RIBC2: variants seen among roughly 807,000 people sequenced by gnomAD.
RIBC2 encodes the protein RIB43A-like with coiled-coils protein 2.
RIBC2 carries 40 observed loss-of-function variants against 44.3 expected under a neutral mutation model. That is an observed-to-expected ratio of 0.90 (90% confidence interval 0.70 to 1.18). The LOEUF (loss-of-function observed/expected upper bound fraction) is 1.18, where lower values mean the gene tolerates loss of function less well. Ranked by LOEUF, RIBC2 falls within the 50% of genes most tolerant of loss-of-function variation. The pLI, the probability that RIBC2 is intolerant of heterozygous loss-of-function variation, is 0.00. For missense variants in RIBC2, 459 were observed against 485.5 expected (o/e 0.95, Z 0.51); for synonymous variants, 171 against 175.0 (o/e 0.98, Z 0.18).
chr22:45,431,108 G>A (rs772224736), intron 6 of RIBC2, 42 bp downstream of exon 6: 8 of 1,552,144 alleles, frequency 5.2e-6, no homozygotes, highest in Non-Finnish European at 7.0e-6. Flanking sequence ...GGGACCGGGT[G>A]GAGGGACCGC....
At chr22:45,427,213 A>G (rs969529186) in intron 5 of RIBC2, among the ~76,000 whole-genome samples, 1 of 152,190 alleles carries the variant, frequency 6.6e-6, no homozygotes, top group Non-Finnish European at 1.5e-5. Flanking sequence ...CCTCAGGAAA[A>G]CAGTCCAGGG....
intron 3 of RIBC2, among the ~76,000 whole-genome samples, chr22:45,421,349 ATAAT>A (rs1185474450): frequency 1.8e-4 from 26 of 147,106 alleles, no homozygotes; most frequent in South Asian, 1.1e-3. Context: ...TAATAATTAA[ATAAT>A]TAATTATTAT....
intron 4 of RIBC2, among the ~76,000 whole-genome samples, chr22:45,423,435 A>G (rs562113358): frequency 3.3e-5 from 5 of 152,220 alleles, no homozygotes; most frequent in Non-Finnish European, 7.3e-5. Context: ...AAGGCTGTGC[A>G]GGATCTGTGG....
rs905168283 is a variant in RIBC2, at chr22:45,432,273, T to C, written c.1071-11T>C. 6.7e-7 allele frequency: 1 copy of C among 1,491,156 alleles called. No individual in the cohort carries two copies. The highest frequency in any genetic ancestry group is 9.2e-7 in the Non-Finnish European group (1 of 1,086,118). The allele number at this position is 1,491,156 out of a possible 1,614,324, so 92.4% of individuals were successfully genotyped here. On this transcript the variant is annotated splice_polypyrimidine_tract_variant and intron_variant, in intron 6 of 6. Transcript: ENST00000614167. ...TTTGCTGACCTTTTTTTTTTCTCAT[T>C]TTGTTATCAGGAAAAAATATATGAA...
chr22:45,432,053 T>C (rs2087584869), intron 6 of RIBC2, among the ~76,000 whole-genome samples: 1 of 152,208 alleles, frequency 6.6e-6, no homozygotes, highest in Non-Finnish European at 1.5e-5. Context: ...TCCCCAAATG[T>C]TACTGGTGTA....
chr22:45,421,877 C>G (rs1178359014), intron 3 of RIBC2, among the ~76,000 whole-genome samples: 2 of 152,110 alleles, frequency 1.3e-5, no homozygotes, highest in Non-Finnish European at 2.9e-5. Flanking sequence ...CCACTTCCTC[C>G]ATAGAGTCCT....
chr22:45,432,330 T>A lies in RIBC2; in HGVS notation c.1117T>A (p.Tyr373Asn), dbSNP rs2087588507. Reference protein sequence around the residue: ...EVYTNQPTGDYFTQFNTGSR With the variant: ...EVYTNQPTGDNFTQFNTGSR ...CTATACAAATCAACCCACGGGAGAC[T>A]ATTTCACACAATTTAATACAGGAAG... Residue 373 changes from tyrosine to asparagine, a missense_variant, in exon 7 of 7, where the codon TAT becomes AAT. Tyr to Asn is a moderately radical substitution (Grantham distance 143, BLOSUM62 -2). Transcript: ENST00000614167. 6.2e-7 allele frequency: 1 copy of A among 1,601,912 alleles called. No homozygotes were observed. The highest frequency in any genetic ancestry group is 8.5e-7 in the Non-Finnish European group (1 of 1,170,174).
intron 5 of RIBC2, 47 bp from the exon 6 acceptor site, chr22:45,430,853 T>C (rs779639686): frequency 2.7e-6 from 4 of 1,494,916 alleles, no homozygotes; most frequent in South Asian, 2.7e-5. Context: ...CCTGGGGTTC[T>C]TTGGCTCTGG....
rs759818979 is a variant in RIBC2 at position 45,417,718 on chromosome 22, G to A, written c.328G>A (p.Glu110Lys). Reference protein sequence around the residue: ...NDFQQSFQKPETRREFDLSDP... With the variant: ...NDFQQSFQKPKTRREFDLSDP... ...CTTCCAACAGAGCTTTCAGAAGCCA[G>A]AAACTCGCCGTGAATTTGATCTGTC... Residue 110 changes from glutamate to lysine, a missense_variant, in exon 3 of 7, where the codon GAA becomes AAA. Glu to Lys is a moderately conservative substitution (Grantham distance 56). Coordinates refer to ENST00000614167, the MANE Select transcript of RIBC2 (RefSeq NM_015653.5). The A allele has an allele frequency of 6.2e-7, 1 of 1,614,152 alleles. No individual in the cohort carries two copies. Among genetic ancestry groups the A allele is most frequent in the Admixed American group, 1.7e-5 (1 of 60,008 alleles).
chr22:45,414,903 T>C (rs979665667), intron 2 of RIBC2, among the ~76,000 whole-genome samples: 1 of 152,094 alleles, frequency 6.6e-6, no homozygotes, highest in Non-Finnish European at 1.5e-5. Context: ...TTTAAGACCG[T>C]CTATGAAGGA....
intron 5 of RIBC2, among the ~76,000 whole-genome samples, chr22:45,429,615 G>C (rs369023288): frequency 6.6e-6 from 1 of 152,076 alleles, no homozygotes; most frequent in African/African-American, 2.4e-5. Context: ...GCTGCAGTGG[G>C]GCCGGGACCT....
At chr22:45,431,199 C>A in intron 6 of RIBC2, 133 bp downstream of exon 6, 1 of 1,091,002 alleles carries the variant, frequency 9.2e-7, no homozygotes, top group Non-Finnish European at 1.3e-6. Context: ...ACACTGTGGA[C>A]CTCAAGTGGG....
chr22:45,430,556 C>T (rs2087569849), intron 5 of RIBC2, among the ~76,000 whole-genome samples: 1 of 152,128 alleles, frequency 6.6e-6, no homozygotes, highest in Admixed American at 6.5e-5. Flanking sequence ...CCAGGGAGCC[C>T]CCTGAGGACC....
chr22:45,429,741 A>G (rs717295), intron 5 of RIBC2, among the ~76,000 whole-genome samples: 94,402 of 152,068 alleles, frequency 0.62, 31,725 homozygotes, highest in African/African-American at 0.89. Flanking sequence ...TGCCTGGACC[A>G]TCTGGCACAG....
At chr22:45,427,704 G>A (rs1054025904) in intron 5 of RIBC2, among the ~76,000 whole-genome samples, 5 of 152,146 alleles carry the variant, frequency 3.3e-5, no homozygotes, top group East Asian at 1.9e-4. Context: ...ATGCAGTCTC[G>A]GCCCACTGCA....
intron 5 of RIBC2, among the ~76,000 whole-genome samples, chr22:45,429,980 C>CT (rs2087564808): frequency 6.6e-6 from 1 of 152,164 alleles, no homozygotes; most frequent in Non-Finnish European, 1.5e-5. Flanking sequence ...CTGCTTTGCT[C>CT]TTAGCCCGGG....
intron 3 of RIBC2, among the ~76,000 whole-genome samples, chr22:45,420,645 C>T (rs1364478657): frequency 6.6e-6 from 1 of 152,188 alleles, no homozygotes; most frequent in Non-Finnish European, 1.5e-5. Context: ...TAACTGGTAC[C>T]TCCTGCCCTT....
intron 5 of RIBC2, among the ~76,000 whole-genome samples, chr22:45,430,696 C>T (rs371254703): frequency 2.0e-5 from 3 of 152,234 alleles, no homozygotes; most frequent in East Asian, 1.9e-4. Context: ...CACCTCCTGA[C>T]GGGGGAGGGC....
intron 3 of RIBC2, among the ~76,000 whole-genome samples, chr22:45,421,312 T>C (rs1247916698): frequency 3.8e-5 from 1 of 25,990 alleles, no homozygotes; most frequent in Non-Finnish European, 5.5e-5. Context: ...ATAATACTAT[T>C]ATTATTATTA....
Sources: gnomAD v4.1 joint callset for allele counts (sites outside exome capture counted in the v4.1 genomes callset) on GRCh38, gnomAD v4.1.1 for gene constraint, MANE v1.5 for transcripts, NCBI Gene and HGNC (gene_info 2026-07-23, HGNC 2026-07-21) for gene names.